Variants in MCFD2 observed in about 807,000 individuals in gnomAD.
The protein encoded by MCFD2 is multiple coagulation factor deficiency protein 2.
In MCFD2, 11 loss-of-function variants were observed where a neutral mutation model predicts 12.8. That is an observed-to-expected ratio of 0.86 (90% CI 0.54 to 1.42). The LOEUF (loss-of-function observed/expected upper bound fraction) is 1.42. Ranked by LOEUF, MCFD2 falls within the 40% of genes most tolerant of loss-of-function variation. The probability of loss-of-function intolerance (pLI) is 0.00; values close to 1 mark genes in which losing one functional copy is unlikely to be tolerated. For missense variants in MCFD2, 191 were observed against 178.6 expected (o/e 1.07, Z -0.40); for synonymous variants, 70 against 68.1 (o/e 1.03, Z -0.14).
chr2:46,904,866 AGAAT>A lies in MCFD2; in HGVS notation c.*593_*596del. The stretch of plus-strand genomic sequence containing the variant: ...CATGAGATTTGGAGGGGCCAGGGGT[AGAAT>A]GATATGGTTTGGCTATGTCCCCACC... On this transcript the variant is annotated 3_prime_UTR_variant, in exon 4 of 4. Transcript: ENST00000319466. 1.1e-5 allele frequency: 2 copies of A among 176,188 alleles called. No individual in the cohort carries two copies. Among genetic ancestry groups the A allele is most frequent in the East Asian group, 1.5e-4 (1 of 6,568 alleles). The allele number at this position is 176,188 out of a possible 1,614,324, so 10.9% of individuals were successfully genotyped here.
At position 46,909,025 on chromosome 2, in the gene MCFD2, T is replaced by C. The variant is rs372989533; in HGVS notation, c.147A>G (p.Gln49=). Residue 49 remains glutamine, a splice_region_variant and synonymous_variant, in exon 2 of 4, where the codon CAA becomes CAG. Transcript: ENST00000319466. ...MGLDKNTVHD[Q]EHIMEHLEGV... is the part of the protein sequence containing the mutation. ...CACAGCCCGGGCTGAATACGTACTC[T>C]TGGTCGTGCACTGTGTTCTTATCCA... 12 of 1,614,076 alleles carry C rather than the reference T, an allele frequency of 7.4e-6. No homozygotes were observed. The highest frequency in any genetic ancestry group is 1.0e-5 in the Non-Finnish European group (12 of 1,180,034).
intron 1 of MCFD2, among the ~76,000 whole-genome samples, chr2:46,934,946 G>A (rs185429060): frequency 9.2e-5 from 14 of 151,616 alleles, no homozygotes; most frequent in East Asian, 1.9e-4. Flanking sequence ...AACTACAGGC[G>A]CGCACCACCA....
chr2:46,931,692 T>TAATTAATAAATA (rs1669714547), intron 1 of MCFD2, among the ~76,000 whole-genome samples: 1 of 148,548 alleles, frequency 6.7e-6, no homozygotes, highest in Admixed American at 6.7e-5. Context: ...AAACAGACAA[T>TAATTAATAAATA]AATAAATAAA....
At position 46,941,458 on chromosome 2, in the gene MCFD2, C is replaced by A. The variant is rs140303915; in HGVS notation, c.-8+114G>T. The A allele has an allele frequency of 0.031, 44,084 of 1,426,564 alleles. 1,711 individuals carry two copies. Among genetic ancestry groups the A allele is most frequent in the African/African-American group, 0.14 (9,247 of 67,374 alleles). 88.4% of individuals were successfully genotyped at this position (1,426,564 alleles called of 1,614,324 possible). ...CGTCTGCGCCCCCGTCGACCCCGCCCGCGAGTGCGCCCCAGCCAGGACGCC... is the reference window on the plus strand; with the variant it reads ...CGTCTGCGCCCCCGTCGACCCCGCCAGCGAGTGCGCCCCAGCCAGGACGCC... On this transcript the variant is annotated intron_variant, in intron 1 of 2. Transcript: ENST00000409147. The surrounding 1 kb of genome is among the most constrained non-coding windows in gnomAD (Gnocchi z 4.2).
chr2:46,931,475 G>A (rs555850072), intron 1 of MCFD2, among the ~76,000 whole-genome samples: 11 of 152,266 alleles, frequency 7.2e-5, no homozygotes, highest in South Asian at 6.2e-4. Flanking sequence ...TGATCTCCAT[G>A]AGCCCAATAT....
chr2:46,912,274 G>A (rs537777074), intron 1 of MCFD2, among the ~76,000 whole-genome samples: 1 of 152,364 alleles, frequency 6.6e-6, no homozygotes, highest in South Asian at 2.1e-4. Context: ...GGGAGGCAGA[G>A]ATTGCAGTGA....
chr2:46,914,794 A>G (rs1277064425), intron 1 of MCFD2, among the ~76,000 whole-genome samples: 11 of 152,236 alleles, frequency 7.2e-5, no homozygotes, highest in Non-Finnish European at 1.6e-4. Context: ...TGCCTCAGAC[A>G]TAGCGAACAT....
chr2:46,939,862 C>A (rs1347986900), intron 1 of MCFD2, among the ~76,000 whole-genome samples: 2 of 152,186 alleles, frequency 1.3e-5, no homozygotes, highest in African/African-American at 4.8e-5. Context: ...TTACAGACTG[C>A]TTGACTAAAC....
At chr2:46,910,250 A>C (rs1184081522) in intron 1 of MCFD2, among the ~76,000 whole-genome samples, 1 of 152,332 alleles carries the variant, frequency 6.6e-6, no homozygotes, top group Non-Finnish European at 1.5e-5. Context: ...AGGGTCAGGC[A>C]GGCCTTTAAT....
chr2:46,910,055 G>T (rs114515765), intron 1 of MCFD2, among the ~76,000 whole-genome samples: 2,818 of 152,292 alleles, frequency 0.019, 97 homozygotes, highest in African/African-American at 0.063. Context: ...CTCCTGGGTG[G>T]TAACAGTGGC....
At chr2:46,917,219 T>G (rs914404023), upstream of MCFD2, 11 of 698,946 alleles carry the variant, frequency 1.6e-5, no homozygotes, top group Non-Finnish European at 2.3e-5. Flanking sequence ...CGTCTCGAAC[T>G]CCTGGGTTCA....
chr2:46,916,727 C>CATTAAAAA, upstream of MCFD2: 2 of 164,442 alleles, frequency 1.2e-5, no homozygotes, highest in Non-Finnish European at 2.7e-5. Flanking sequence ...CTCCGCCTCC[C>CATTAAAAA]AGGTTCAAGC....
chr2:46,922,856 G>A (rs147995703), intron 1 of MCFD2, among the ~76,000 whole-genome samples: 2 of 152,244 alleles, frequency 1.3e-5, no homozygotes, highest in East Asian at 1.9e-4. Context: ...CTCAGAAACC[G>A]CAGGTTGAGG....
chr2:46,911,693 G>A (rs145711048), intron 1 of MCFD2, among the ~76,000 whole-genome samples: 1,981 of 150,556 alleles, frequency 0.013, 47 homozygotes, highest in African/African-American at 0.046. Context: ...AGGCCGAGGC[G>A]GGCAGATCAC....
In MCFD2 at chr2:46,911,627, G is replaced by A. The variant is rs560421424; in HGVS notation, c.-6-2450C>T. Among the ~76,000 whole-genome samples, 42 of 152,036 alleles carry A rather than the reference G, an allele frequency of 2.8e-4. No homozygotes were observed. In the Middle Eastern group the frequency reaches 0.01, roughly 37 times the overall value. The stretch of plus-strand genomic sequence containing the variant: ...AAGATTATCTTGAGACATGAGATTA[G>A]AATTGTGATTTTCAGCCGGCATGGT... On this transcript the variant is annotated intron_variant, in intron 1 of 3. Transcript: ENST00000319466.
chr2:46,938,375 T>C (rs773865981), intron 1 of MCFD2, among the ~76,000 whole-genome samples: 36 of 152,184 alleles, frequency 2.4e-4, no homozygotes, highest in Admixed American at 9.2e-4. Context: ...TCTTGGGTCA[T>C]ACGCCTATCT....
upstream of MCFD2, chr2:46,916,326 C>T (rs572757801): frequency 6.0e-5 from 17 of 283,558 alleles, no homozygotes; most frequent in South Asian, 2.3e-3. Context: ...GCCAGCTCCA[C>T]TGCACAAGCT....
In MCFD2 at chr2:46,941,749, C is replaced by G; in HGVS notation, c.-185G>C. On this transcript the variant is annotated 5_prime_UTR_variant, in exon 1 of 3. Coordinates refer to the MCFD2 transcript ENST00000409147. The surrounding 1 kb of genome is among the most constrained non-coding windows in gnomAD (Gnocchi z 4.2). ...CGGTGAGTAAGGGAAGAGGCTGGCT[C>G]GCCGGCAGCGAGCGCGCGAAACGCA... 3.9e-6 allele frequency: 6 copies of G among 1,547,442 alleles called. No homozygotes were observed. The highest frequency in any genetic ancestry group is 5.2e-6 in the Non-Finnish European group (6 of 1,145,810).
At chr2:46,923,071 G>A (rs767444072) in intron 1 of MCFD2, among the ~76,000 whole-genome samples, 1 of 152,190 alleles carries the variant, frequency 6.6e-6, no homozygotes, top group Non-Finnish European at 1.5e-5. Context: ...GAGCACAGGT[G>A]CTTCTGTCCC....
Sources: allele counts gnomAD v4.1 joint callset (sites outside exome capture counted in the v4.1 genomes callset), GRCh38; gene constraint gnomAD v4.1.1; non-coding constraint Gnocchi (gnomAD v3.1); transcripts MANE v1.5; gene names NCBI Gene and HGNC (gene_info 2026-07-23, HGNC 2026-07-21).